TENM4: variants seen among roughly 807,000 people sequenced by gnomAD.
The protein encoded by TENM4 is teneurin transmembrane protein 4.
In TENM4, 82 loss-of-function variants were observed where a neutral mutation model predicts 243.3. That is an observed-to-expected ratio of 0.34 (90% CI 0.28 to 0.40). TENM4 has a LOEUF of 0.40. Ranked by LOEUF, TENM4 falls within the 10% of genes least tolerant of loss-of-function variation. The pLI, the probability that TENM4 is intolerant of heterozygous loss-of-function variation, is 1.00. For synonymous variants in TENM4, 1,412 were observed against 1,456.3 expected, an observed-to-expected ratio of 0.97 and a Z score of 0.69; for missense variants, 3,138 against 3,673.3, an observed-to-expected ratio of 0.85 and a Z score of 3.77.
At chr11:79,251,114 A>C (rs551431735) in intron 2 of TENM4, among the ~76,000 whole-genome samples, 9 of 152,248 alleles carry the variant, frequency 5.9e-5, no homozygotes, top group Non-Finnish European at 1.3e-4. Flanking sequence ...TATGAGACAC[A>C]GGCACACGTC....
chr11:79,356,559 G>C (rs1346013407), intron 1 of TENM4, among the ~76,000 whole-genome samples: 1 of 152,034 alleles, frequency 6.6e-6, no homozygotes, highest in Admixed American at 6.6e-5. Context: ...AAGCCCTCTG[G>C]GCTTACAGTT....
intron 3 of TENM4, among the ~76,000 whole-genome samples, chr11:79,204,763 A>G (rs1863815455): frequency 6.6e-6 from 1 of 152,140 alleles, no homozygotes; most frequent in African/African-American, 2.4e-5. Context: ...AGTCTTACAC[A>G]TGTGCACAAG....
chr11:78,704,157 GTC>G (rs1368754451), intron 27 of TENM4, among the ~76,000 whole-genome samples: 6 of 70,536 alleles, frequency 8.5e-5, no homozygotes, highest in African/African-American at 3.0e-4. Flanking sequence ...ATGTATGTGT[GTC>G]TATATATATA....
At chr11:79,037,452 A>G (rs1313940485) in intron 6 of TENM4, among the ~76,000 whole-genome samples, 1 of 152,258 alleles carries the variant, frequency 6.6e-6, no homozygotes, top group African/African-American at 2.4e-5. Flanking sequence ...TATTCCGAGA[A>G]TGAAAGAGCC....
In TENM4 at chr11:78,657,972, A is replaced by T; in HGVS notation, c.*86T>A. ...CTTTTTGTTTCTGCACTTGTTAAAA[A>T]ATCATTTTTTTAAAAGTACAACACA... On this transcript the variant is annotated 3_prime_UTR_variant, in exon 34 of 34. Transcript: ENST00000278550. 6.3e-7 allele frequency: 1 copy of T among 1,598,710 alleles called. No homozygotes were observed. Among genetic ancestry groups the T allele is most frequent in the South Asian group, 1.1e-5 (1 of 90,250 alleles).
At chr11:79,358,129 C>T (rs1857527841) in intron 1 of TENM4, among the ~76,000 whole-genome samples, 1 of 152,322 alleles carries the variant, frequency 6.6e-6, no homozygotes, top group Admixed American at 6.5e-5. Context: ...CTGGTAAAAT[C>T]AGGGCTATCA....
intron 4 of TENM4, among the ~76,000 whole-genome samples, chr11:79,137,279 G>T (rs571968909): frequency 6.6e-6 from 1 of 152,276 alleles, no homozygotes; most frequent in East Asian, 1.9e-4. Flanking sequence ...GTTGGCTGGG[G>T]TGACTGACCT....
rs375617431 is a variant in TENM4, at chr11:79,151,334, A to C, written c.-162-2528T>G. Among the ~76,000 whole-genome samples, 4 of 152,320 alleles carry C rather than the reference A, an allele frequency of 2.6e-5. No individual in the cohort carries two copies. In the East Asian group the frequency reaches 7.7e-4, roughly 29 times the overall value. ...CATCCATTCATCCATCTGACCATGC[A>C]TCCATCTCTCCACCCAAGAATTACA... On this transcript the variant is annotated intron_variant, in intron 3 of 33. Transcript: ENST00000278550.
chr11:79,085,195 AC>A (rs1390282173), intron 4 of TENM4, among the ~76,000 whole-genome samples: 5 of 150,156 alleles, frequency 3.3e-5, no homozygotes, highest in African/African-American at 1.2e-4. Context: ...ACATGGTGAA[AC>A]CCCCTCTTTA....
At chr11:78,984,859 A>C (rs966889478) in intron 6 of TENM4, among the ~76,000 whole-genome samples, 1 of 152,166 alleles carries the variant, frequency 6.6e-6, no homozygotes, top group Non-Finnish European at 1.5e-5. Context: ...CAGGCATAAC[A>C]GCAACATTTC....
chr11:79,414,157 TACACACAC>T (rs10587790), intron 1 of TENM4, among the ~76,000 whole-genome samples: 38 of 150,844 alleles, frequency 2.5e-4, no homozygotes, highest in East Asian at 2.0e-3. Flanking sequence ...CACACATGTG[TACACACAC>T]ACACACACAC....
At chr11:79,024,206 A>G (rs538726278) in intron 6 of TENM4, among the ~76,000 whole-genome samples, 1 of 152,272 alleles carries the variant, frequency 6.6e-6, no homozygotes, top group East Asian at 1.9e-4. Context: ...ACTGACTTAG[A>G]ATGTCCACCT....
At chr11:78,861,214 A>G (rs1858811341) in intron 10 of TENM4, among the ~76,000 whole-genome samples, 1 of 152,246 alleles carries the variant, frequency 6.6e-6, no homozygotes. Context: ...CAGGGCCAAC[A>G]TGACATTCTG....
intron 1 of TENM4, among the ~76,000 whole-genome samples, chr11:79,315,694 G>A (rs745838981): frequency 1.2e-4 from 18 of 152,176 alleles, no homozygotes; most frequent in Non-Finnish European, 2.4e-4. Flanking sequence ...GGTGATTTGT[G>A]TGTACACATT....
intron 2 of TENM4, among the ~76,000 whole-genome samples, chr11:79,295,544 G>C (rs1409261970): frequency 6.6e-6 from 1 of 152,166 alleles, no homozygotes; most frequent in Non-Finnish European, 1.5e-5. Context: ...GGGACACTCA[G>C]GTTCCAGGAG....
chr11:78,846,062 C>T (rs972762153), intron 12 of TENM4, among the ~76,000 whole-genome samples: 1 of 152,164 alleles, frequency 6.6e-6, no homozygotes, highest in Admixed American at 6.5e-5. Flanking sequence ...TAAAGACACA[C>T]ATGGATGTCA....
At chr11:79,044,295 G>A (rs1470551567) in intron 6 of TENM4, among the ~76,000 whole-genome samples, 1 of 152,170 alleles carries the variant, frequency 6.6e-6, no homozygotes, top group Non-Finnish European at 1.5e-5. Context: ...AAAGTCACAG[G>A]TTTGTGAAAT....
At position 78,760,903 on chromosome 11, in the gene TENM4, T is replaced by C. The variant is rs558798824; in HGVS notation, c.2540-3882A>G. 2.6e-5 allele frequency among the ~76,000 whole-genome samples: 4 copies of C among 152,376 alleles called. No homozygotes were observed. In the South Asian group the frequency reaches 8.3e-4, roughly 32 times the overall value. On this transcript the variant is annotated intron_variant, in intron 18 of 33. Coordinates refer to ENST00000278550, the MANE Select transcript of TENM4 (RefSeq NM_001098816.3). ...TGTGTCTGGTCTGCTGTTTAATTTG[T>C]TCTTCGGGTCATAAATTATCTTACT...
intron 12 of TENM4, among the ~76,000 whole-genome samples, chr11:78,817,828 G>C (rs1260913258): frequency 1.3e-5 from 2 of 151,964 alleles, no homozygotes; most frequent in Non-Finnish European, 2.9e-5. Flanking sequence ...ATGATCTTTC[G>C]GTACCTGTCT....
Sources: allele counts gnomAD v4.1 joint callset (sites outside exome capture counted in the v4.1 genomes callset), GRCh38; gene constraint gnomAD v4.1.1; transcripts MANE v1.5; gene names NCBI Gene and HGNC (gene_info 2026-07-23, HGNC 2026-07-21).